Variants in DAB1 observed in about 807,000 individuals in gnomAD.
DAB1 encodes disabled homolog 1.
A neutral mutation model predicts 64.6 loss-of-function variants in DAB1; 15 were observed. That is an observed-to-expected ratio of 0.23 (90% CI 0.16 to 0.36). The LOEUF (loss-of-function observed/expected upper bound fraction) is 0.36. DAB1 is among the 10% of genes least tolerant of loss of function. DAB1 has a pLI of 1.00. For synonymous variants in DAB1, 235 were observed against 251.9 expected, an observed-to-expected ratio of 0.93 and a Z score of 0.64; for missense variants, 596 against 706.7, an observed-to-expected ratio of 0.84 and a Z score of 1.78.
At position 57,335,214 on chromosome 1, in the gene DAB1, C is replaced by T. The variant is rs1676983325; in HGVS notation, c.-136-44048G>A. ...AGATCTGGACATTTTTTTTTTAAGG[C>T]ACAGTGTTAAAGAGCAACTTTACGT... is the stretch of plus-strand genomic sequence containing the variant. On this transcript the variant is annotated intron_variant, in intron 1 of 14. Transcript: ENST00000371236. Among the ~76,000 whole-genome samples, 3 of 150,924 alleles carry T rather than the reference C, an allele frequency of 2.0e-5. 1 individual carries two copies. Among genetic ancestry groups the T allele is most frequent in the Non-Finnish European group, 1.5e-5 (1 of 67,710 alleles).
At chr1:57,760,059 AAG>A (rs201862492) in intron 6 of DAB1, among the ~76,000 whole-genome samples, 26,626 of 151,964 alleles carry the variant, frequency 0.18, 3,016 homozygotes, top group Admixed American at 0.29. Context: ...TCCACAAATG[AAG>A]TTTGTGGAGA....
rs770141104 is a variant in DAB1, at chr1:57,519,532, G to T, written n.625+130060C>A. The stretch of plus-strand genomic sequence containing the variant: ...GGGATGAAAGAGTCCCCTGGACATG[G>T]TAGGTGGCCACAGACCCCCCTGTAA... On this transcript the variant is annotated intron_variant and non_coding_transcript_variant, in intron 7 of 20. Transcript: ENST00000485760. 4.8e-4 allele frequency among the ~76,000 whole-genome samples: 73 copies of T among 152,272 alleles called. 1 individual carries two copies. The highest frequency in any genetic ancestry group is 3.4e-3 in the Middle Eastern group (1 of 294).
Position 57,951,317 on chromosome 1 carries a change from C to CATATATATATATATAT in DAB1, n.388-67156_388-67155insATATATATATATATAT, listed in dbSNP as rs150140800. On this transcript the variant is annotated intron_variant and non_coding_transcript_variant, in intron 5 of 20. Coordinates refer to the DAB1 transcript ENST00000485760. ...CAGATCCGGGAAGAGGAGCCTGATT[C>CATATATATATATATAT]ATATATATATATATACTTCCCTGGA... is the stretch of plus-strand genomic sequence containing the variant. 6.9e-4 allele frequency among the ~76,000 whole-genome samples: 48 copies of CATATATATATATATAT among 69,870 alleles called. 8 individuals are homozygous for CATATATATATATATAT. Among genetic ancestry groups the CATATATATATATATAT allele is most frequent in the East Asian group, 2.2e-3 (9 of 4,082 alleles). The allele number at this position is 69,870 out of a possible 152,430, so 45.8% of individuals were successfully genotyped here. A position where few individuals can be genotyped will look rare whatever the true frequency, so the allele number is the denominator to read the frequency against.
intron 7 of DAB1, among the ~76,000 whole-genome samples, chr1:57,537,883 G>A (rs751415721): frequency 6.6e-5 from 10 of 152,152 alleles, no homozygotes; most frequent in Non-Finnish European, 1.2e-4. Flanking sequence ...GCTTCCATTC[G>A]TGGTGGAGGG....
chr1:57,910,620 G>A (rs991050130), intron 5 of DAB1, among the ~76,000 whole-genome samples: 37 of 152,318 alleles, frequency 2.4e-4, no homozygotes, highest in African/African-American at 8.7e-4. Flanking sequence ...GAGCCACGTC[G>A]TGGCCTGGAA....
intron 4 of DAB1, among the ~76,000 whole-genome samples, chr1:58,205,497 C>A (rs750666354): frequency 4.6e-5 from 7 of 152,194 alleles, no homozygotes; most frequent in Non-Finnish European, 7.3e-5. Flanking sequence ...TCACCCATGG[C>A]CCCTCAAGGC....
intron 5 of DAB1, among the ~76,000 whole-genome samples, chr1:58,040,917 C>T (rs1200083563): frequency 6.6e-6 from 1 of 152,152 alleles, no homozygotes; most frequent in Non-Finnish European, 1.5e-5. Flanking sequence ...CTAAAGGTTG[C>T]ACCTGGGACC....
intron 2 of DAB1, among the ~76,000 whole-genome samples, chr1:57,232,151 C>T (rs570313894): frequency 2.6e-5 from 4 of 152,086 alleles, no homozygotes; most frequent in South Asian, 4.2e-4. Context: ...CAGGGAATGG[C>T]CTATACTTTA....
At chr1:57,199,424 G>T (rs1664911252) in intron 2 of DAB1, among the ~76,000 whole-genome samples, 1 of 152,146 alleles carries the variant, frequency 6.6e-6, no homozygotes, top group African/African-American at 2.4e-5. Context: ...GCAGTGTTTT[G>T]TCACCTTTAC....
chr1:57,490,865 G>A (rs557399485), intron 7 of DAB1, among the ~76,000 whole-genome samples: 49 of 152,198 alleles, frequency 3.2e-4, no homozygotes, highest in African/African-American at 1.1e-3. Flanking sequence ...GCAAAGTTTT[G>A]GAGTAATAAC....
chr1:58,395,546 A>G (rs968669867), intron 3 of DAB1, among the ~76,000 whole-genome samples: 7 of 152,196 alleles, frequency 4.6e-5, no homozygotes, highest in African/African-American at 9.7e-5. Flanking sequence ...TGTGTGACTC[A>G]CTTCCTTTTC....
chr1:57,297,642 T>G (rs576405610), intron 1 of DAB1, among the ~76,000 whole-genome samples: 7 of 152,288 alleles, frequency 4.6e-5, no homozygotes, highest in African/African-American at 1.4e-4. Flanking sequence ...TTTTTGCTTA[T>G]TCTTATGCTT....
intron 1 of DAB1, among the ~76,000 whole-genome samples, chr1:57,845,797 G>A (rs1244087052): frequency 1.3e-5 from 2 of 152,142 alleles, no homozygotes; most frequent in African/African-American, 2.4e-5. Flanking sequence ...CTTAAGTTGA[G>A]CTAAAATCTG....
intron 5 of DAB1, among the ~76,000 whole-genome samples, chr1:58,031,170 A>G (rs1490273580): frequency 6.6e-6 from 1 of 152,188 alleles, no homozygotes; most frequent in African/African-American, 2.4e-5. Context: ...GAATGTGAAT[A>G]TGTATGTGGC....
intron 7 of DAB1, among the ~76,000 whole-genome samples, chr1:57,642,142 A>G (rs1646138121): frequency 6.6e-6 from 1 of 152,190 alleles, no homozygotes; most frequent in Admixed American, 6.5e-5. Flanking sequence ...AGAAATAAAG[A>G]TGCAAAACAA....
At chr1:57,675,911 C>A (rs1231525429) in intron 6 of DAB1, among the ~76,000 whole-genome samples, 1 of 152,034 alleles carries the variant, frequency 6.6e-6, no homozygotes, top group East Asian at 1.9e-4. Flanking sequence ...GAAATAGAAA[C>A]AAATTTGGGG....
intron 1 of DAB1, among the ~76,000 whole-genome samples, chr1:57,398,301 C>G (rs769391407): frequency 6.6e-6 from 1 of 151,856 alleles, no homozygotes; most frequent in South Asian, 2.1e-4. Context: ...TGAGTGCCCT[C>G]GAGCACAGAG....
intron 5 of DAB1, chr1:58,049,294 T>C (rs955631605): frequency 2.9e-6 from 2 of 691,482 alleles, no homozygotes; most frequent in African/African-American, 3.6e-5. Flanking sequence ...TTAGACAGGA[T>C]GGCAGGGAGA....
chr1:57,128,921 T>C (rs1657389767), intron 4 of DAB1, among the ~76,000 whole-genome samples: 1 of 152,172 alleles, frequency 6.6e-6, no homozygotes, highest in Admixed American at 6.5e-5. Flanking sequence ...CACCATATCA[T>C]CTGGGGATCA....
Sources: allele counts gnomAD v4.1 joint callset (sites outside exome capture counted in the v4.1 genomes callset), GRCh38; gene constraint gnomAD v4.1.1; transcripts MANE v1.5; gene names NCBI Gene and HGNC (gene_info 2026-07-23, HGNC 2026-07-21).